Variants in TSHZ3 observed in about 807,000 individuals in gnomAD.
TSHZ3 encodes the protein teashirt zinc finger homeobox 3.
In TSHZ3, 10 loss-of-function variants were observed where a neutral mutation model predicts 64.5. That is an observed-to-expected ratio of 0.16 (90% CI 0.10 to 0.26). The LOEUF (loss-of-function observed/expected upper bound fraction) is 0.26, where lower values mean the gene tolerates loss of function less well. TSHZ3 is among the 10% of genes least tolerant of loss of function. The pLI is 1.00. For synonymous variants in TSHZ3, 608 were observed against 593.1 expected, an observed-to-expected ratio of 1.03 and a Z score of -0.36; for missense variants, 1,242 against 1,421.7, an observed-to-expected ratio of 0.87 and a Z score of 2.03.
intron 5 of TSHZ3, among the ~76,000 whole-genome samples, chr19:31,204,236 A>G (rs1975130028): frequency 6.9e-6 from 1 of 145,930 alleles, no homozygotes; most frequent in Non-Finnish European, 1.5e-5. Flanking sequence ...TCCTTCTTCA[A>G]TCCCTTCCTT....
rs1013432699 is a variant in TSHZ3 at position 31,237,009 on chromosome 19, C to T, written n.550+5260G>A. Among the ~76,000 whole-genome samples, 3 of 152,060 alleles carry T rather than the reference C, an allele frequency of 2.0e-5. No homozygotes were observed. The South Asian group carries it at 6.2e-4, about 32-fold the overall frequency. On this transcript the variant is annotated intron_variant and non_coding_transcript_variant, in intron 3 of 6. Transcript: ENST00000651361. ...ACTAAAAATACAAATATTAGCCGGG[C>T]GAGGTGGCACATGCCTCTAATCCCA...
chr19:31,252,836 A>G (rs1434677491), intron 1 of TSHZ3, among the ~76,000 whole-genome samples: 2 of 152,196 alleles, frequency 1.3e-5, no homozygotes, highest in Non-Finnish European at 2.9e-5. Context: ...GTAAACATTT[A>G]CAGGTTCCAG....
At chr19:31,253,760 G>A (rs888483777) in intron 1 of TSHZ3, among the ~76,000 whole-genome samples, 28 of 152,172 alleles carry the variant, frequency 1.8e-4, no homozygotes, top group Middle Eastern at 3.4e-3. Flanking sequence ...CTTCTACCTC[G>A]CAACCCGGAT....
rs368073400 is a variant in TSHZ3 at position 31,170,669 on chromosome 19, A to T, written n.810-14252T>A. 3.2e-4 allele frequency among the ~76,000 whole-genome samples: 49 copies of T among 152,350 alleles called. No homozygotes were observed. The South Asian group carries it at 1.0e-2, about 31-fold the overall frequency. On this transcript the variant is annotated intron_variant and non_coding_transcript_variant, in intron 5 of 6. Transcript: ENST00000651361. ...AGCATCAGTTTATGAATAGGAAATT[A>T]AAAGTAACCTACAAAACACCTGATT...
intron 6 of TSHZ3, among the ~76,000 whole-genome samples, chr19:31,156,143 T>C (rs893017880): frequency 6.6e-6 from 1 of 152,228 alleles, no homozygotes; most frequent in African/African-American, 2.4e-5. Context: ...ATTTGCCTAT[T>C]CTGCTTATTG....
At chr19:31,292,758 CCATCCAT>C (rs1976590991) in intron 1 of TSHZ3, among the ~76,000 whole-genome samples, 2 of 150,326 alleles carry the variant, frequency 1.3e-5, no homozygotes, top group African/African-American at 2.4e-5. Context: ...ATCCATCCAT[CCATCCAT>C]CCACCCACCC....
intron 1 of TSHZ3, among the ~76,000 whole-genome samples, chr19:31,303,489 C>A (rs1347780290): frequency 6.6e-6 from 1 of 151,928 alleles, no homozygotes; most frequent in Non-Finnish European, 1.5e-5. Flanking sequence ...TTGACCTGCA[C>A]GGGGCCTGCA....
At chr19:31,209,588 T>C (rs1458721440) in intron 4 of TSHZ3, among the ~76,000 whole-genome samples, 1 of 152,202 alleles carries the variant, frequency 6.6e-6, no homozygotes, top group Non-Finnish European at 1.5e-5. Flanking sequence ...AGGTGTTCAA[T>C]AAGCATTAAT....
At chr19:31,317,842 G>A (rs899740671) in intron 1 of TSHZ3, among the ~76,000 whole-genome samples, 2 of 152,148 alleles carry the variant, frequency 1.3e-5, no homozygotes, top group Admixed American at 1.3e-4. Flanking sequence ...TCTCTTTCAC[G>A]CCTGGGTCCC....
intron 5 of TSHZ3, among the ~76,000 whole-genome samples, chr19:31,183,449 A>C (rs1347870177): frequency 6.6e-6 from 1 of 152,140 alleles, no homozygotes; most frequent in Non-Finnish European, 1.5e-5. Context: ...CTACTCTGAG[A>C]ATCAGAAAAC....
exon 7 of TSHZ3, among the ~76,000 whole-genome samples, chr19:31,150,644 T>C (rs950512292): frequency 8.5e-5 from 13 of 152,220 alleles, no homozygotes; most frequent in Admixed American, 7.2e-4. Context: ...ATCAGATTTT[T>C]TGCAGCACAT....
chr19:31,344,107 C>T (rs1210614946), intron 1 of TSHZ3, among the ~76,000 whole-genome samples: 1 of 152,170 alleles, frequency 6.6e-6, no homozygotes, highest in African/African-American at 2.4e-5. Flanking sequence ...TTACTAAATA[C>T]AATATATTGT....
At chr19:31,259,809 C>T (rs571496402) in intron 1 of TSHZ3, among the ~76,000 whole-genome samples, 2 of 152,190 alleles carry the variant, frequency 1.3e-5, no homozygotes, top group South Asian at 4.1e-4. Flanking sequence ...ATCACGTGCC[C>T]ACCCTCTAAG....
chr19:31,193,590 A>T (rs751700860), intron 5 of TSHZ3, among the ~76,000 whole-genome samples: 6 of 152,196 alleles, frequency 3.9e-5, no homozygotes, highest in Non-Finnish European at 7.3e-5. Flanking sequence ...AGCCTGAGCA[A>T]GCTGCTTAAC....
downstream of TSHZ3, among the ~76,000 whole-genome samples, chr19:31,273,836 G>C (rs575233623): frequency 5.9e-5 from 9 of 152,302 alleles, no homozygotes; most frequent in South Asian, 1.7e-3. Flanking sequence ...GCCTGGCACA[G>C]GCCCTGCACC....
upstream of TSHZ3, chr19:31,349,513 G>T: frequency 5.7e-6 from 2 of 349,358 alleles, no homozygotes; most frequent in South Asian, 1.1e-4. Context: ...GGTGGAGGAG[G>T]AGGAGGAGGA....
intron 5 of TSHZ3, among the ~76,000 whole-genome samples, chr19:31,181,401 A>C (rs2145126920): frequency 6.6e-6 from 1 of 152,224 alleles, no homozygotes; most frequent in Non-Finnish European, 1.5e-5. Context: ...CTGTTTTGGA[A>C]GATGTACCAT....
chr19:31,347,728 C>T (rs1487503121), intron 1 of TSHZ3, among the ~76,000 whole-genome samples: 1 of 152,088 alleles, frequency 6.6e-6, no homozygotes, highest in Non-Finnish European at 1.5e-5. Context: ...CATCCTAAGC[C>T]CCAAACCAAC....
chr19:31,152,168 G>GT (rs1250244635), intron 6 of TSHZ3, among the ~76,000 whole-genome samples: 1 of 151,982 alleles, frequency 6.6e-6, no homozygotes, highest in Non-Finnish European at 1.5e-5. Flanking sequence ...GCACCATTGG[G>GT]TTTTGCCTAG....
Sources: gnomAD v4.1 joint callset for allele counts (sites outside exome capture counted in the v4.1 genomes callset) on GRCh38, gnomAD v4.1.1 for gene constraint, MANE v1.5 for transcripts, NCBI Gene and HGNC (gene_info 2026-07-23, HGNC 2026-07-21) for gene names.